The following COL25A1 variants were observed in gnomAD, a reference collection of about 807,000 sequenced individuals.
COL25A1 encodes the protein collagen type XXV alpha 1 chain.
Under a neutral mutation model 128.4 loss-of-function variants are expected in COL25A1, and 103 were observed. The ratio of observed to expected loss-of-function variants is 0.80; its 90% confidence interval spans 0.68 to 0.94. COL25A1 has a LOEUF of 0.94. COL25A1 is among the 40% of genes least tolerant of loss of function. COL25A1 has a pLI of 0.00. For synonymous variants in COL25A1, 279 were observed against 277.2 expected (o/e 1.01, Z -0.06); for missense variants, 745 against 840.0 (o/e 0.89, Z 1.40).
chr4:109,136,685 T>A (rs1454180849), intron 3 of COL25A1, among the ~76,000 whole-genome samples: 1 of 152,190 alleles, frequency 6.6e-6, no homozygotes, highest in East Asian at 1.9e-4. Context: ...AGATGGGTAG[T>A]TAGGGTGTAG....
intron 3 of COL25A1, among the ~76,000 whole-genome samples, chr4:109,213,389 G>A (rs1777736200): frequency 6.6e-6 from 1 of 152,162 alleles, no homozygotes; most frequent in African/African-American, 2.4e-5. Flanking sequence ...TTGACCAACA[G>A]GATATGGCAC....
intron 18 of COL25A1, among the ~76,000 whole-genome samples, chr4:108,887,577 T>C (rs1740980418): frequency 6.6e-6 from 1 of 152,172 alleles, no homozygotes; most frequent in South Asian, 2.1e-4. Flanking sequence ...TCAGGAGGAC[T>C]GTAAGACTTT....
chr4:108,951,390 CTTT>C (rs753653517), intron 8 of COL25A1, among the ~76,000 whole-genome samples: 2 of 139,238 alleles, frequency 1.4e-5, no homozygotes, highest in Admixed American at 7.2e-5. Context: ...CTTTTTTTTT[CTTT>C]TTTTTTTTTT....
chr4:108,886,487 TG>T (rs1560806498), intron 18 of COL25A1, among the ~76,000 whole-genome samples: 4,237 of 89,990 alleles, frequency 0.047, 317 homozygotes, highest in African/African-American at 0.11. Context: ...TGTGTGTGTG[TG>T]TGTGTTTAGC....
intron 8 of COL25A1, among the ~76,000 whole-genome samples, chr4:108,946,170 A>G (rs1324795437): frequency 6.6e-6 from 1 of 152,182 alleles, no homozygotes; most frequent in African/African-American, 2.4e-5. Context: ...CATTACAGGA[A>G]AGGCTATATC....
At chr4:109,262,340 C>T (rs1781513351) in intron 3 of COL25A1, among the ~76,000 whole-genome samples, 1 of 151,904 alleles carries the variant, frequency 6.6e-6, no homozygotes. Flanking sequence ...ATGGCAAAAC[C>T]CCGTCTCTAC....
At chr4:108,954,310 T>C (rs1319523852) in intron 8 of COL25A1, among the ~76,000 whole-genome samples, 1 of 152,132 alleles carries the variant, frequency 6.6e-6, no homozygotes. Context: ...AATTTCCTAG[T>C]TGTGGTTGAT....
chr4:109,211,354 AT>A (rs1777546194), intron 3 of COL25A1, among the ~76,000 whole-genome samples: 1 of 144,914 alleles, frequency 6.9e-6, no homozygotes, highest in Admixed American at 6.9e-5. Context: ...TACAAAAAGT[AT>A]TTTTTAAAGC....
chr4:108,930,971 T>C (rs577416121), intron 11 of COL25A1, among the ~76,000 whole-genome samples: 1 of 152,220 alleles, frequency 6.6e-6, no homozygotes, highest in African/African-American at 2.4e-5. Context: ...TGATGAAATA[T>C]GAGAATTTGA....
chr4:109,295,977 T>C lies in COL25A1; in HGVS notation c.367+4606A>G, dbSNP rs796843874. ...TTACATTGAATGATTATCACAAATG[T>C]ACAGGAGCCAGGTCCAGTGGTACTG... On this transcript the variant is annotated intron_variant, in intron 3 of 37. Coordinates refer to ENST00000399132, the MANE Select transcript of COL25A1 (RefSeq NM_198721.4). Among the ~76,000 whole-genome samples the C allele has an allele frequency of 5.9e-5, 9 of 152,238 alleles. 1 individual carries two copies. Among genetic ancestry groups the C allele is most frequent in the African/African-American group, 2.2e-4 (9 of 41,560 alleles).
intron 8 of COL25A1, among the ~76,000 whole-genome samples, chr4:108,966,914 G>C: frequency 1.1e-5 from 1 of 94,712 alleles, no homozygotes; most frequent in Non-Finnish European, 2.5e-5. Context: ...AGGGAAAAAG[G>C]AAAGAGAGAA....
At chr4:109,289,873 C>G (rs1010935214) in intron 3 of COL25A1, among the ~76,000 whole-genome samples, 1 of 149,206 alleles carries the variant, frequency 6.7e-6, no homozygotes, top group South Asian at 2.1e-4. Flanking sequence ...GGCCTGTTTG[C>G]TGTATTTACT....
At chr4:109,253,299 C>G (rs1450972867) in intron 3 of COL25A1, among the ~76,000 whole-genome samples, 1 of 152,038 alleles carries the variant, frequency 6.6e-6, no homozygotes, top group Non-Finnish European at 1.5e-5. Context: ...AGGTAGAGAC[C>G]CAGGAGAGTT....
At chr4:109,166,208 T>C (rs767493169) in intron 3 of COL25A1, among the ~76,000 whole-genome samples, 5 of 151,970 alleles carry the variant, frequency 3.3e-5, no homozygotes, top group Non-Finnish European at 5.9e-5. Flanking sequence ...AGGTATTCCA[T>C]GGCATATTCC....
chr4:108,897,487 G>A (rs936517279), intron 15 of COL25A1, among the ~76,000 whole-genome samples: 3 of 152,106 alleles, frequency 2.0e-5, no homozygotes, highest in Admixed American at 1.3e-4. Flanking sequence ...GGACTTTGGA[G>A]CCAGGGAGAC....
chr4:108,989,900 A>T (rs1194191412), intron 6 of COL25A1, among the ~76,000 whole-genome samples: 2 of 152,088 alleles, frequency 1.3e-5, no homozygotes, highest in Admixed American at 6.6e-5. Context: ...CCTATCAAGA[A>T]TTTTGGCTAG....
At chr4:108,915,962 A>G (rs1484220889) in intron 13 of COL25A1, among the ~76,000 whole-genome samples, 1 of 152,196 alleles carries the variant, frequency 6.6e-6, no homozygotes, top group African/African-American at 2.4e-5. Flanking sequence ...TTGTTTAAAA[A>G]CAAATTCTAG....
intron 6 of COL25A1, among the ~76,000 whole-genome samples, chr4:109,007,242 A>C (rs993259347): frequency 6.6e-6 from 1 of 152,214 alleles, no homozygotes; most frequent in Non-Finnish European, 1.5e-5. Context: ...GATGGATAGG[A>C]GCCTATATAA....
chr4:109,117,624 T>C lies in COL25A1; in HGVS notation c.368-67445A>G, dbSNP rs983607567. The stretch of plus-strand genomic sequence containing the variant: ...AAACTGTTATTTCCCTTATTCTTAG[T>C]TGGTCTAACAAATGCTACTTTATTC... On this transcript the variant is annotated intron_variant, in intron 3 of 37. Transcript: ENST00000399132. Among the ~76,000 whole-genome samples the C allele has an allele frequency of 2.6e-5, 4 of 151,970 alleles. No individual in the cohort carries two copies. In the East Asian group the frequency reaches 7.7e-4, roughly 29 times the overall value.
Sources: gnomAD v4.1 joint callset for allele counts (sites outside exome capture counted in the v4.1 genomes callset) on GRCh38, gnomAD v4.1.1 for gene constraint, MANE v1.5 for transcripts, NCBI Gene and HGNC (gene_info 2026-07-23, HGNC 2026-07-21) for gene names.